The following JMJD1C variants were observed in gnomAD, a reference collection of about 807,000 sequenced individuals.
The protein encoded by JMJD1C is jumonji domain containing 1C.
Under a neutral mutation model 245.3 loss-of-function variants are expected in JMJD1C, and 31 were observed. That is an observed-to-expected ratio of 0.13 (90% CI 0.09 to 0.17). JMJD1C has a LOEUF of 0.17. Among genes scored for constraint, JMJD1C ranks in the 10% least tolerant of loss-of-function variants. The pLI is 1.00. For synonymous variants in JMJD1C, 1,057 were observed against 1,017.4 expected, an observed-to-expected ratio of 1.04 and a Z score of -0.74; for missense variants, 2,691 against 3,000.2, an observed-to-expected ratio of 0.90 and a Z score of 2.41.
rs1256092814 is a variant in JMJD1C at position 63,498,501 on chromosome 10, T to G, written n.113+23237A>C. On this transcript the variant is annotated intron_variant and non_coding_transcript_variant, in intron 1 of 3. Coordinates refer to the JMJD1C transcript ENST00000633035. Reference sequence around the variant, plus strand: ...GAAGAATGTTAAATTATATTTAATTTTGTCTTTCCTTAACTAAACAATGTC... The same window carrying G: ...GAAGAATGTTAAATTATATTTAATTGTGTCTTTCCTTAACTAAACAATGTC... 5.9e-5 allele frequency among the ~76,000 whole-genome samples: 9 copies of G among 152,300 alleles called. No individual in the cohort carries two copies. The East Asian group carries it at 1.7e-3, about 29-fold the overall frequency.
chr10:63,465,410 G>A (rs1241711454), intron 1 of JMJD1C, 85 bp downstream of exon 1: 26 of 1,343,118 alleles, frequency 1.9e-5, no homozygotes, highest in East Asian at 2.5e-5. Context: ...GGCTGAGCGA[G>A]GCGCCAGAGG....
intron 2 of JMJD1C, among the ~76,000 whole-genome samples, chr10:63,370,063 T>C (rs894658199): frequency 1.3e-5 from 2 of 152,226 alleles, no homozygotes; most frequent in African/African-American, 4.8e-5. Context: ...GATGAGTTTC[T>C]TCACTGACGA....
chr10:63,208,376 G>T lies in JMJD1C; in HGVS notation c.3293C>A (p.Ser1098Tyr), dbSNP rs1846909133. The T allele has an allele frequency of 1.2e-6, 2 of 1,613,400 alleles. No homozygotes were observed. Among genetic ancestry groups the T allele is most frequent in the East Asian group, 2.2e-5 (1 of 44,864 alleles). ...LPQSNYFTTL[S>Y]NSVVNEPPRS... ...TGGTGGTTCATTGACCACACTATTAGACAATGTAGTGAAATAGTTACTTTG... is the reference window on the plus strand; with the variant it reads ...TGGTGGTTCATTGACCACACTATTATACAATGTAGTGAAATAGTTACTTTG... The change falls in exon 10 of 26, where the codon TCT (serine) becomes TAT (tyrosine). Residue 1098 changes from serine to tyrosine, a missense_variant. Around this residue, in one of 9 missense-constraint regions of JMJD1C, gnomAD observed 1,562 missense variants for 1,490.7 expected, o/e 1.05. Coordinates refer to ENST00000399262, the MANE Select transcript of JMJD1C (RefSeq NM_032776.3).
At chr10:63,380,965 T>A (rs1401176807) in intron 1 of JMJD1C, among the ~76,000 whole-genome samples, 7 of 152,186 alleles carry the variant, frequency 4.6e-5, no homozygotes. Context: ...CAGCTGCACA[T>A]CAGTGTTTAT....
intron 1 of JMJD1C, among the ~76,000 whole-genome samples, chr10:63,380,802 T>G (rs1344773974): frequency 1.3e-5 from 2 of 152,204 alleles, no homozygotes; most frequent in Admixed American, 1.3e-4. Flanking sequence ...AAAGGGGAAC[T>G]CTAGTACACT....
At chr10:63,180,505 C>G (rs1843339579) in intron 22 of JMJD1C, among the ~76,000 whole-genome samples, 1 of 152,140 alleles carries the variant, frequency 6.6e-6, no homozygotes, top group Admixed American at 6.5e-5. Context: ...CCAATGTTAT[C>G]TGTGACAAAG....
At chr10:63,438,035 T>C (rs1951155561) in intron 1 of JMJD1C, among the ~76,000 whole-genome samples, 1 of 152,190 alleles carries the variant, frequency 6.6e-6, no homozygotes, top group Non-Finnish European at 1.5e-5. Context: ...GCCATTTATA[T>C]ACTGACTACT....
At chr10:63,219,156 T>C (rs990187486) in intron 4 of JMJD1C, among the ~76,000 whole-genome samples, 3 of 152,100 alleles carry the variant, frequency 2.0e-5, no homozygotes, top group Non-Finnish European at 4.4e-5. Flanking sequence ...TAGGAAGAAT[T>C]AAATATGTAG....
intron 2 of JMJD1C, among the ~76,000 whole-genome samples, chr10:63,350,869 T>C (rs1399043882): frequency 2.0e-5 from 3 of 152,072 alleles, no homozygotes; most frequent in African/African-American, 4.8e-5. Flanking sequence ...TCCGCCCACC[T>C]TGGCCTCCCA....
intron 10 of JMJD1C, among the ~76,000 whole-genome samples, chr10:63,206,317 C>T (rs1159705042): frequency 2.6e-5 from 4 of 152,116 alleles, no homozygotes; most frequent in Non-Finnish European, 5.9e-5. Flanking sequence ...TACTAAATTC[C>T]ACGTTAAATT....
chr10:63,511,395 C>A (rs1449333737), intron 1 of JMJD1C, among the ~76,000 whole-genome samples: 1 of 152,092 alleles, frequency 6.6e-6, no homozygotes, highest in East Asian at 1.9e-4. Flanking sequence ...ATGCAGATGT[C>A]TTTTTACTAA....
Position 63,421,999 on chromosome 10 carries a change from G to A in JMJD1C, c.169-41517C>T, listed in dbSNP as rs1018657700. 4.6e-5 allele frequency among the ~76,000 whole-genome samples: 7 copies of A among 151,988 alleles called. No homozygotes were observed. In the East Asian group the frequency reaches 9.6e-4, roughly 21 times the overall value. ...AACCCTAGCAAACTAATACAGTCCC[G>A]TTTCACTTTTTAAAAGATTAAAAAT... On this transcript the variant is annotated intron_variant, in intron 1 of 25. Coordinates refer to ENST00000399262, the MANE Select transcript of JMJD1C (RefSeq NM_032776.3).
intron 2 of JMJD1C, among the ~76,000 whole-genome samples, chr10:63,277,157 A>C (rs1447534222): frequency 2.0e-5 from 3 of 151,974 alleles, no homozygotes; most frequent in Non-Finnish European, 4.4e-5. Flanking sequence ...CTGGGATTAC[A>C]GGCATGAGCC....
chr10:63,180,869 C>T (rs903623527), intron 22 of JMJD1C, among the ~76,000 whole-genome samples: 5 of 150,702 alleles, frequency 3.3e-5, no homozygotes, highest in South Asian at 2.1e-4. Flanking sequence ...CCCGGGTTCA[C>T]GCCATTCTCC....
chr10:63,397,938 T>C (rs1027835206), intron 1 of JMJD1C, among the ~76,000 whole-genome samples: 9 of 152,234 alleles, frequency 5.9e-5, no homozygotes, highest in African/African-American at 9.6e-5. Context: ...ATGTGTAACT[T>C]TGGAATATCA....
chr10:63,266,288 A>G (rs1462795795), intron 2 of JMJD1C, among the ~76,000 whole-genome samples: 1 of 152,104 alleles, frequency 6.6e-6, no homozygotes, highest in Non-Finnish European at 1.5e-5. Flanking sequence ...TATTTGGGTG[A>G]GAAATCACAT....
intron 1 of JMJD1C, among the ~76,000 whole-genome samples, chr10:63,387,628 A>ATTTTTTTTTTTTTTTTTTT (rs1564863555): frequency 4.3e-4 from 8 of 18,526 alleles, no homozygotes; most frequent in Admixed American, 6.6e-4. Context: ...AGAAAAAAAA[A>ATTTTTTTTTTTTTTTTTTT]ATTTTTTTTT....
chr10:63,276,194 C>T (rs908252078), intron 2 of JMJD1C, among the ~76,000 whole-genome samples: 13 of 152,178 alleles, frequency 8.5e-5, no homozygotes, highest in African/African-American at 2.6e-4. Context: ...AGGCCGGGCA[C>T]GGTGGCTCAT....
chr10:63,424,518 T>TTC (rs1554931988), intron 1 of JMJD1C, among the ~76,000 whole-genome samples: 14 of 147,318 alleles, frequency 9.5e-5, no homozygotes, highest in African/African-American at 2.0e-4. Context: ...TTTTTTTTTT[T>TTC]CTTTTTGAGA....
Sources: gnomAD v4.1 joint callset for allele counts (sites outside exome capture counted in the v4.1 genomes callset) on GRCh38, gnomAD v4.1.1 for gene constraint, gnomAD v4.1.1 regional missense constraint, MANE v1.5 for transcripts, NCBI Gene and HGNC (gene_info 2026-07-23, HGNC 2026-07-21) for gene names.